The following PROM1 variants were observed in gnomAD, a reference collection of about 807,000 sequenced individuals.
The protein encoded by PROM1 is prominin 1, also known as prominin-1.
A neutral mutation model predicts 116.9 loss-of-function variants in PROM1; 105 were observed. That is an observed-to-expected ratio of 0.90 (90% CI 0.77 to 1.06). PROM1 has a LOEUF of 1.06. PROM1 is among the 50% of genes least tolerant of loss of function. The pLI, the probability that PROM1 is intolerant of heterozygous loss-of-function variation, is 0.00. For missense variants in PROM1, 1,122 were observed against 1,045.2 expected (o/e 1.07, Z -1.01); for synonymous variants, 393 against 387.0 (o/e 1.02, Z -0.18).
At chr4:16,055,361 C>T (rs1220342975) in intron 2 of PROM1, 1 of 456,088 alleles carries the variant, frequency 2.2e-6, no homozygotes. Flanking sequence ...CCCTTGTCCT[C>T]TTTCTGGCTT....
intron 2 of PROM1, among the ~76,000 whole-genome samples, chr4:16,041,717 C>A (rs1392951299): frequency 6.6e-6 from 1 of 150,894 alleles, no homozygotes; most frequent in Non-Finnish European, 1.5e-5. Flanking sequence ...CACTGCACTC[C>A]AGCTCGGGTG....
chr4:16,024,904 T>A (rs545307762), intron 6 of PROM1, among the ~76,000 whole-genome samples: 37 of 152,338 alleles, frequency 2.4e-4, no homozygotes, highest in South Asian at 4.1e-4. Flanking sequence ...TTCATTTTTT[T>A]AAAAAATCAT....
chr4:15,978,653 C>T (rs951734375), intron 26 of PROM1, among the ~76,000 whole-genome samples: 31 of 152,304 alleles, frequency 2.0e-4, no homozygotes, highest in African/African-American at 6.5e-4. Context: ...CTGTGGGGAG[C>T]GGGCTCGGGG....
chr4:16,029,620 TA>T (rs1732184327), intron 5 of PROM1, among the ~76,000 whole-genome samples: 1 of 152,198 alleles, frequency 6.6e-6, no homozygotes, highest in Non-Finnish European at 1.5e-5. Context: ...GCACATCTGC[TA>T]GGGCATCTTT....
At position 15,994,152 on chromosome 4, in the gene PROM1, G is replaced by T. The variant is rs1462252663; in HGVS notation, c.1683-81C>A. Reference sequence around the variant, plus strand: ...TCCACCACTGAAGATGAGGAGAAAGGCTCACTGTTTCTCCTTGTTTAATCT... The same window carrying T: ...TCCACCACTGAAGATGAGGAGAAAGTCTCACTGTTTCTCCTTGTTTAATCT... On this transcript the variant is annotated intron_variant, in intron 15 of 27. Transcript: ENST00000447510. 8 of 1,589,886 alleles carry T rather than the reference G, an allele frequency of 5.0e-6. No homozygotes were observed. In the Admixed American group the frequency reaches 5.3e-5, roughly 10 times the overall value.
chr4:15,977,185 C>G (rs1237998365), intron 26 of PROM1, among the ~76,000 whole-genome samples: 2 of 114,204 alleles, frequency 1.8e-5, no homozygotes, highest in Non-Finnish European at 4.0e-5. Context: ...CAGCCTCCAC[C>G]CAGGCTTGCA....
rs1245100922 is a variant in PROM1 at position 15,992,158 on chromosome 4, A to G, written c.1911+90T>C. 60 of 1,529,202 alleles carry G rather than the reference A, an allele frequency of 3.9e-5. No individual in the cohort carries two copies. The East Asian group carries it at 1.3e-3, about 34-fold the overall frequency. The allele number at this position is 1,529,202 out of a possible 1,614,324, so 94.7% of individuals were successfully genotyped here. On this transcript the variant is annotated intron_variant, in intron 17 of 27. Coordinates refer to ENST00000447510, the MANE Select transcript of PROM1 (RefSeq NM_006017.3). ...AATAGTCTTACATCATGTGAATCTC[A>G]TCTTAATAAAAAATCAAAAGCAAAA...
intron 13 of PROM1, among the ~76,000 whole-genome samples, chr4:16,003,855 C>G (rs980831022): frequency 3.3e-5 from 5 of 152,170 alleles, no homozygotes; most frequent in African/African-American, 1.2e-4. Flanking sequence ...AGCCAGGGCT[C>G]TCTGACTTTC....
Position 16,005,502 on chromosome 4 carries a change from G to A in PROM1, c.1454+1036C>T, listed in dbSNP as rs1169664336. Among the ~76,000 whole-genome samples, 4 of 7,610 alleles carry A rather than the reference G, an allele frequency of 5.3e-4. No individual in the cohort carries two copies. The Admixed American group carries it at 6.3e-3, about 12-fold the overall frequency. 5.0% of individuals were successfully genotyped at this position (7,610 alleles called of 152,430 possible). A position where few individuals can be genotyped will look rare whatever the true frequency, so the allele number is the denominator to read the frequency against. ...AAAGTTTTTTGTTTGTTTGGTGTGTGTGTGTGTGTGTGTGTGTGTGTGTGT... is the reference window on the plus strand; with the variant it reads ...AAAGTTTTTTGTTTGTTTGGTGTGTATGTGTGTGTGTGTGTGTGTGTGTGT... On this transcript the variant is annotated intron_variant, in intron 13 of 27. Coordinates refer to ENST00000447510, the MANE Select transcript of PROM1 (RefSeq NM_006017.3).
At chr4:16,064,106 C>T (rs1252095247) in intron 2 of PROM1, among the ~76,000 whole-genome samples, 2 of 152,122 alleles carry the variant, frequency 1.3e-5, no homozygotes, top group African/African-American at 4.8e-5. Context: ...CATCGTGCAG[C>T]AATTCATTCC....
chr4:16,061,145 A>T (rs942034120), intron 2 of PROM1, among the ~76,000 whole-genome samples: 5 of 152,242 alleles, frequency 3.3e-5, no homozygotes, highest in African/African-American at 1.2e-4. Context: ...AAGTCCCTGA[A>T]ATAGAAATAG....
chr4:16,013,682 GTA>G (rs1309506852), intron 10 of PROM1, among the ~76,000 whole-genome samples: 1 of 152,138 alleles, frequency 6.6e-6, no homozygotes, highest in African/African-American at 2.4e-5. Flanking sequence ...CTCAACTAGG[GTA>G]TGTTTGGCAA....
At chr4:16,016,078 CT>C in intron 10 of PROM1, 87 bp downstream of exon 10, 3 of 1,193,406 alleles carry the variant, frequency 2.5e-6, no homozygotes, top group South Asian at 2.8e-5. Context: ...AATTTCACTG[CT>C]TTTTTGCTAT....
chr4:16,019,483 A>G (rs1578062992), intron 8 of PROM1, among the ~76,000 whole-genome samples: 1 of 152,224 alleles, frequency 6.6e-6, no homozygotes, highest in Non-Finnish European at 1.5e-5. Flanking sequence ...TTTTCAGTTC[A>G]CCATGGGTTT....
rs1313823845 is a variant in PROM1, at chr4:16,025,047, T to C, written c.630+145A>G. 11 of 1,005,046 alleles carry C rather than the reference T, an allele frequency of 1.1e-5. No individual in the cohort carries two copies. The Admixed American group carries it at 3.0e-4, about 27-fold the overall frequency. The allele number at this position is 1,005,046 out of a possible 1,614,324, so 62.3% of individuals were successfully genotyped here. A position where few individuals can be genotyped will look rare whatever the true frequency, so the allele number is the denominator to read the frequency against. ...AAATCACTTTCCAGGGCTTTATTTA[T>C]TCATCCAGGACATTAACAGATAACA... On this transcript the variant is annotated intron_variant, in intron 6 of 27. Transcript: ENST00000447510.
chr4:16,057,601 T>C (rs1437269323), intron 2 of PROM1, among the ~76,000 whole-genome samples: 1 of 152,210 alleles, frequency 6.6e-6, no homozygotes, highest in African/African-American at 2.4e-5. Flanking sequence ...CCACTCTCCT[T>C]GCAAGGCTAA....
chr4:15,995,852 C>T (rs559694897), intron 15 of PROM1, among the ~76,000 whole-genome samples: 1 of 152,304 alleles, frequency 6.6e-6, no homozygotes, highest in South Asian at 2.1e-4. Context: ...GTAAGTATCA[C>T]TGTATTCTAG....
At chr4:16,040,085 AT>A (rs1734860094) in intron 2 of PROM1, among the ~76,000 whole-genome samples, 1 of 152,108 alleles carries the variant, frequency 6.6e-6, no homozygotes. Context: ...CACTATATCC[AT>A]CACGCCTGAA....
intron 14 of PROM1, among the ~76,000 whole-genome samples, chr4:15,999,025 G>A (rs564812543): frequency 5.3e-5 from 8 of 151,952 alleles, no homozygotes; most frequent in African/African-American, 1.7e-4. Flanking sequence ...CCACCACGCC[G>A]AGAACTCTTT....
Sources: allele counts gnomAD v4.1 joint callset (sites outside exome capture counted in the v4.1 genomes callset), GRCh38; gene constraint gnomAD v4.1.1; transcripts MANE v1.5; gene names NCBI Gene and HGNC (gene_info 2026-07-23, HGNC 2026-07-21).